The following ADAM19 variants were observed in gnomAD, a reference collection of about 807,000 sequenced individuals.
ADAM19 encodes ADAM metallopeptidase domain 19.
Under a neutral mutation model 114.7 loss-of-function variants are expected in ADAM19, and 65 were observed. That is an observed-to-expected ratio of 0.57 (90% CI 0.46 to 0.70). The LOEUF (loss-of-function observed/expected upper bound fraction) is 0.70. ADAM19 is among the 30% of genes least tolerant of loss of function. The pLI is 0.00. For synonymous variants in ADAM19, 466 were observed against 460.5 expected, an observed-to-expected ratio of 1.01 and a Z score of -0.15; for missense variants, 1,063 against 1,204.7, an observed-to-expected ratio of 0.88 and a Z score of 1.74.
rs1204631796 is a variant in ADAM19 at position 157,480,819 on chromosome 5, T to C, written c.*130A>G. The C allele has an allele frequency of 2.0e-6, 3 of 1,504,674 alleles. No homozygotes were observed. The highest frequency in any genetic ancestry group is 2.3e-5 in the East Asian group (1 of 42,564). 93.2% of individuals were successfully genotyped at this position (1,504,674 alleles called of 1,614,324 possible). On this transcript the variant is annotated 3_prime_UTR_variant, in exon 23 of 23. Transcript: ENST00000257527. ...GAGTCAACAGGGAGATTTTTGGAGA[T>C]GTGGAGGTTCCTGGAGGAGGGTGGG... is the stretch of plus-strand genomic sequence containing the variant.
Position 157,575,727 on chromosome 5 carries a change from A to G in ADAM19, c.-31T>C. ...CGGCGGCCCTTAGCGCTCGGCGCTC[A>G]CACGCCCTCAGCCATACCTGCCCAC... On this transcript the variant is annotated 5_prime_UTR_variant, in exon 1 of 23. An upstream open reading frame in the 5' UTR loses its in-frame stop. Coordinates refer to ENST00000257527, the MANE Select transcript of ADAM19 (RefSeq NM_033274.5). 7.7e-7 allele frequency: 1 copy of G among 1,302,072 alleles called. No homozygotes were observed. Among genetic ancestry groups the G allele is most frequent in the Non-Finnish European group, 9.7e-7 (1 of 1,025,672 alleles). The allele number at this position is 1,302,072 out of a possible 1,614,324, so 80.7% of individuals were successfully genotyped here.
rs757802727 is a variant in ADAM19, at chr5:157,490,298, A to G, written c.2240+12T>C. 2.5e-6 allele frequency: 4 copies of G among 1,613,940 alleles called. No individual in the cohort carries two copies. In the Admixed American group the frequency reaches 6.7e-5, roughly 27 times the overall value. Reference sequence around the variant, plus strand: ...AAATTGACCCTGAGTCCTCCATTGAACCCTGTCATACCTGAACTGTTGCCT... The same window carrying G: ...AAATTGACCCTGAGTCCTCCATTGAGCCCTGTCATACCTGAACTGTTGCCT... On this transcript the variant is annotated intron_variant, in intron 19 of 22. Coordinates refer to ENST00000257527, the MANE Select transcript of ADAM19 (RefSeq NM_033274.5).
intron 3 of ADAM19, among the ~76,000 whole-genome samples, chr5:157,552,506 C>T (rs150143413): frequency 0.02 from 3,011 of 151,694 alleles, 111 homozygotes; most frequent in African/African-American, 0.069. Context: ...GGTGAAACCC[C>T]GTCTCTACTA....
intron 5 of ADAM19, among the ~76,000 whole-genome samples, chr5:157,526,913 G>T (rs191074758): frequency 6.6e-6 from 1 of 151,676 alleles, no homozygotes; most frequent in Non-Finnish European, 1.5e-5. Flanking sequence ...GAGCCACCGC[G>T]CCTGGCCTAT....
At position 157,478,073 on chromosome 5, in the gene ADAM19, T is replaced by C. The variant is rs1361036667; in HGVS notation, c.*2876A>G. The C allele has an allele frequency of 2.7e-5, 5 of 185,048 alleles. No individual in the cohort carries two copies. The highest frequency in any genetic ancestry group is 1.2e-4 in the African/African-American group (5 of 42,276). 11.5% of individuals were successfully genotyped at this position (185,048 alleles called of 1,614,324 possible). Reference sequence around the variant, plus strand: ...GCACTAAATCCCTTGAGGTTTGTTTTAGAGATGGCTCCAAGGCCCTTAAAA... The same window carrying C: ...GCACTAAATCCCTTGAGGTTTGTTTCAGAGATGGCTCCAAGGCCCTTAAAA... On this transcript the variant is annotated 3_prime_UTR_variant, in exon 23 of 23. Coordinates refer to ENST00000257527, the MANE Select transcript of ADAM19 (RefSeq NM_033274.5).
At chr5:157,565,106 C>T (rs1342049706) in intron 2 of ADAM19, among the ~76,000 whole-genome samples, 1 of 152,142 alleles carries the variant, frequency 6.6e-6, no homozygotes, top group African/African-American at 2.4e-5. Context: ...AAAGTAGATA[C>T]ATTTTACACA....
intron 22 of ADAM19, chr5:157,481,287 C>G: frequency 1.7e-6 from 1 of 573,610 alleles, no homozygotes; most frequent in African/African-American, 1.9e-5. Flanking sequence ...CGTGGGAATA[C>G]AGCATGGTCA....
In ADAM19 at chr5:157,505,766, G is replaced by C. The variant is rs755787671; in HGVS notation, c.1033C>G (p.His345Asp). Residue 345 changes from histidine to aspartate, a missense_variant, in exon 11 of 23, where the codon CAC becomes GAC. By Grantham distance (81) the His-to-Asp change is moderately conservative. This residue lies in a region of ADAM19 where 615 missense variants were observed against 706.3 expected (regional missense o/e 0.87). Coordinates refer to ENST00000257527, the MANE Select transcript of ADAM19 (RefSeq NM_033274.5). ...NAIGVAATMA[H>D]EMGHNFGMTH... is the part of the protein sequence containing the mutation. ...ATGCCAAAGTTGTGGCCCATCTCGT[G>C]GGCCATGGTGGCAGCCACGCCAATG... 1 of 1,614,050 alleles carries C rather than the reference G, an allele frequency of 6.2e-7. No homozygotes were observed. Among genetic ancestry groups the C allele is most frequent in the Non-Finnish European group, 8.5e-7 (1 of 1,179,970 alleles).
intron 5 of ADAM19, among the ~76,000 whole-genome samples, chr5:157,521,552 C>CT (rs1756287133): frequency 6.6e-6 from 1 of 152,214 alleles, no homozygotes; most frequent in African/African-American, 2.4e-5. Context: ...GCGCCAGGCT[C>CT]TGATGGGCAG....
At chr5:157,519,735 C>T (rs924069906) in intron 6 of ADAM19, 104 bp downstream of exon 6, 3 of 1,061,822 alleles carry the variant, frequency 2.8e-6, no homozygotes, top group Non-Finnish European at 4.1e-6. Flanking sequence ...TTTTCTTAGG[C>T]ATCACCTTCA....
intron 3 of ADAM19, among the ~76,000 whole-genome samples, chr5:157,538,360 C>G (rs1756823689): frequency 6.6e-6 from 1 of 152,210 alleles, no homozygotes; most frequent in Non-Finnish European, 1.5e-5. Context: ...TTTTCCAGCA[C>G]TGGATCTACC....
intron 3 of ADAM19, among the ~76,000 whole-genome samples, chr5:157,541,042 C>A (rs1315215976): frequency 6.6e-6 from 1 of 152,176 alleles, no homozygotes; most frequent in African/African-American, 2.4e-5. Flanking sequence ...GTTTGAACAA[C>A]TCTGCAGCTC....
intron 3 of ADAM19, among the ~76,000 whole-genome samples, chr5:157,555,205 T>A (rs1482847374): frequency 6.6e-6 from 1 of 152,212 alleles, no homozygotes; most frequent in Non-Finnish European, 1.5e-5. Context: ...AGGGTCCCCA[T>A]CTGCCAAATA....
chr5:157,541,876 C>T (rs1362073025), intron 3 of ADAM19, among the ~76,000 whole-genome samples: 1 of 152,206 alleles, frequency 6.6e-6, no homozygotes, highest in East Asian at 1.9e-4. Context: ...CCTCCTGCTT[C>T]AGATAAGCAA....
intron 11 of ADAM19, 126 bp downstream of exon 11, chr5:157,505,543 T>C (rs968871123): frequency 1.8e-6 from 2 of 1,113,214 alleles, no homozygotes; most frequent in Non-Finnish European, 2.5e-6. Flanking sequence ...TTGTAAAAAC[T>C]ACATTTTTTG....
intron 1 of ADAM19, among the ~76,000 whole-genome samples, chr5:157,571,337 C>T (rs1440537760): frequency 1.3e-5 from 2 of 152,084 alleles, no homozygotes; most frequent in Admixed American, 1.3e-4. Flanking sequence ...TCCTGAGGAG[C>T]CAGAAGGCAG....
chr5:157,518,753 C>A (rs1300618251), intron 7 of ADAM19, 70 bp downstream of exon 7: 5 of 1,183,698 alleles, frequency 4.2e-6, no homozygotes, highest in Admixed American at 1.7e-5. Flanking sequence ...TTCCCCAAAG[C>A]AGTCTGGAGC....
intron 3 of ADAM19, among the ~76,000 whole-genome samples, chr5:157,550,910 CTGCA>C (rs1387535956): frequency 6.6e-6 from 1 of 152,202 alleles, no homozygotes; most frequent in Non-Finnish European, 1.5e-5. Flanking sequence ...TCTCTCTACT[CTGCA>C]CGTTTGATAA....
At chr5:157,556,025 C>G (rs1355838169) in intron 3 of ADAM19, among the ~76,000 whole-genome samples, 2 of 152,144 alleles carry the variant, frequency 1.3e-5, no homozygotes, top group South Asian at 4.2e-4. Flanking sequence ...ATCTCAAGAT[C>G]TTTGATTTTG....
Sources: allele counts gnomAD v4.1 joint callset (sites outside exome capture counted in the v4.1 genomes callset), GRCh38; gene constraint gnomAD v4.1.1; regional missense constraint gnomAD v4.1.1; transcripts MANE v1.5; gene names NCBI Gene and HGNC (gene_info 2026-07-23, HGNC 2026-07-21).